Variants in MRPS9 observed in about 807,000 individuals in gnomAD.
The protein encoded by MRPS9 is small ribosomal subunit protein uS9m.
In MRPS9, 45 loss-of-function variants were observed where a neutral mutation model predicts 59.9. The observed-to-expected ratio is 0.75, with a 90% CI of 0.59 to 0.96. The LOEUF is 0.96. MRPS9 is among the 40% of genes least tolerant of loss of function. The probability of loss-of-function intolerance (pLI) is 0.00; values close to 1 mark genes in which losing one functional copy is unlikely to be tolerated. For synonymous variants in MRPS9, 171 were observed against 166.8 expected (o/e 1.03, Z -0.19); for missense variants, 473 against 481.1 (o/e 0.98, Z 0.16).
At chr2:105,092,247 G>C (rs1388553062) in intron 7 of MRPS9, 154 bp from the exon 8 acceptor site, 11 of 523,006 alleles carry the variant, frequency 2.1e-5, no homozygotes, top group Non-Finnish European at 3.2e-5. Flanking sequence ...GCATCTGCAT[G>C]CTGTTTTAAA....
At chr2:105,072,260 G>A (rs1290603505) in intron 4 of MRPS9, among the ~76,000 whole-genome samples, 1 of 152,218 alleles carries the variant, frequency 6.6e-6, no homozygotes, top group African/African-American at 2.4e-5. Flanking sequence ...TTGCTTTTAT[G>A]TAACCATGCT....
rs541716909 is a variant in MRPS9, at chr2:105,040,097, C to T, written c.135+1870C>T. On this transcript the variant is annotated intron_variant, in intron 1 of 10. Coordinates refer to ENST00000258455, the MANE Select transcript of MRPS9 (RefSeq NM_182640.3). ...AAGTACAGCTCAGATATAACTGAAA[C>T]ACTTAGCTGACCCCCCTTTAGATTC... Among the ~76,000 whole-genome samples, 4 of 152,258 alleles carry T rather than the reference C, an allele frequency of 2.6e-5. 1 individual carries two copies. In the East Asian group the frequency reaches 7.7e-4, roughly 29 times the overall value.
At chr2:105,085,451 T>C (rs1356892630) in intron 5 of MRPS9, among the ~76,000 whole-genome samples, 1 of 152,212 alleles carries the variant, frequency 6.6e-6, no homozygotes, top group East Asian at 1.9e-4. Context: ...AATAGACTTT[T>C]TCTATATCAC....
intron 1 of MRPS9, among the ~76,000 whole-genome samples, chr2:105,040,851 T>C (rs1427748689): frequency 6.6e-6 from 1 of 152,184 alleles, no homozygotes; most frequent in Non-Finnish European, 1.5e-5. Flanking sequence ...GGTAGAGGAT[T>C]GTCATGGGCA....
intron 10 of MRPS9, chr2:105,099,130 A>G (rs1303740233): frequency 1.3e-5 from 2 of 152,268 alleles, no homozygotes; most frequent in Non-Finnish European, 2.9e-5. Context: ...TTATTATGGC[A>G]TAAATTAAAA....
chr2:105,072,066 A>G (rs1488856181), intron 4 of MRPS9, among the ~76,000 whole-genome samples: 2 of 152,194 alleles, frequency 1.3e-5, no homozygotes, highest in African/African-American at 4.8e-5. Context: ...ATTGAATAAT[A>G]TATTTACTAT....
At chr2:105,038,248 A>G in intron 1 of MRPS9, 21 bp downstream of exon 1, 1 of 1,604,236 alleles carries the variant, frequency 6.2e-7, no homozygotes, top group Non-Finnish European at 8.5e-7. Flanking sequence ...GGAAGACTGG[A>G]AGCGGCTTAC....
chr2:105,043,083 A>G (rs1315490788), intron 1 of MRPS9, among the ~76,000 whole-genome samples: 1 of 152,152 alleles, frequency 6.6e-6, no homozygotes, highest in Non-Finnish European at 1.5e-5. Flanking sequence ...CCACCGCCAT[A>G]TCTAACAGAA....
In MRPS9 at chr2:105,044,446, A is replaced by G. The variant is rs960321262; in HGVS notation, c.136-4725A>G. Among the ~76,000 whole-genome samples, 5 of 152,354 alleles carry G rather than the reference A, an allele frequency of 3.3e-5. No homozygotes were observed. In the Middle Eastern group the frequency reaches 0.014, roughly 415 times the overall value. ...AAACATATTCAATATCCTGCTACTG[A>G]TGCTGTGATAACTTTGTAAATTTAA... On this transcript the variant is annotated intron_variant, in intron 1 of 10. Transcript: ENST00000258455.
intron 1 of MRPS9, among the ~76,000 whole-genome samples, chr2:105,040,802 AG>A (rs1679487946): frequency 6.6e-6 from 1 of 152,240 alleles, no homozygotes; most frequent in South Asian, 2.1e-4. Flanking sequence ...AGAAGAGCAC[AG>A]AAGTAATATG....
chr2:105,063,634 A>G (rs12619915), intron 2 of MRPS9, among the ~76,000 whole-genome samples: 30,738 of 152,202 alleles, frequency 0.2, 3,185 homozygotes, highest in Middle Eastern at 0.35. Context: ...TCTTAAATAC[A>G]TCTTCAAAAA....
intron 1 of MRPS9, among the ~76,000 whole-genome samples, chr2:105,046,133 T>C (rs1679588009): frequency 6.6e-6 from 1 of 152,066 alleles, no homozygotes; most frequent in Non-Finnish European, 1.5e-5. Context: ...CCCAAAGTGC[T>C]AGAATTACAG....
chr2:105,082,931 T>C (rs1680376422), intron 5 of MRPS9, among the ~76,000 whole-genome samples: 1 of 152,224 alleles, frequency 6.6e-6, no homozygotes, highest in African/African-American at 2.4e-5. Context: ...AAATGATTTC[T>C]TAATAAAAAG....
At chr2:105,063,576 T>C (rs1679943821) in intron 2 of MRPS9, among the ~76,000 whole-genome samples, 1 of 152,262 alleles carries the variant, frequency 6.6e-6, no homozygotes, top group Non-Finnish European at 1.5e-5. Flanking sequence ...TTGGCTGCAC[T>C]ATTTTATTTT....
At chr2:105,092,690 T>TA in intron 8 of MRPS9, 121 bp downstream of exon 8, 1 of 889,602 alleles carries the variant, frequency 1.1e-6, no homozygotes, top group South Asian at 2.3e-5. Flanking sequence ...TTGCTACCGT[T>TA]ACTTTGGATT....
chr2:105,044,458 C>T (rs1198388630), intron 1 of MRPS9, among the ~76,000 whole-genome samples: 1 of 152,168 alleles, frequency 6.6e-6, no homozygotes, highest in East Asian at 1.9e-4. Flanking sequence ...GCTGTGATAA[C>T]TTTGTAAATT....
Position 105,099,765 on chromosome 2 carries a change from T to C in MRPS9, c.*4T>C. On this transcript the variant is annotated 3_prime_UTR_variant, in exon 11 of 11. Transcript: ENST00000258455. The stretch of plus-strand genomic sequence containing the variant: ...GTTTACGTGGAAGAAACGCTAAGGG[T>C]TTGCTCCCAGGAAAGGAGAGGAAGA... The C allele has an allele frequency of 6.2e-7, 1 of 1,613,872 alleles. No homozygotes were observed. The highest frequency in any genetic ancestry group is 1.1e-5 in the South Asian group (1 of 91,054).
In MRPS9 at chr2:105,071,495, T is replaced by G; in HGVS notation, c.409+6T>G. On this transcript the variant is annotated splice_donor_region_variant and intron_variant, in intron 4 of 10. Coordinates refer to ENST00000258455, the MANE Select transcript of MRPS9 (RefSeq NM_182640.3). Reference sequence around the variant, plus strand: ...GATTTTTCCAAGACAAAGAGGTAAGTTTGTTCAAGAATGAGAGAAACAGTT... The same window carrying G: ...GATTTTTCCAAGACAAAGAGGTAAGGTTGTTCAAGAATGAGAGAAACAGTT... The G allele has an allele frequency of 6.2e-7, 1 of 1,603,398 alleles. No homozygotes were observed. Among genetic ancestry groups the G allele is most frequent in the South Asian group, 1.1e-5 (1 of 88,800 alleles).
At chr2:105,079,237 G>A (rs1680278265) in intron 4 of MRPS9, among the ~76,000 whole-genome samples, 1 of 152,210 alleles carries the variant, frequency 6.6e-6, no homozygotes, top group Non-Finnish European at 1.5e-5. Context: ...TACAACTTCT[G>A]TAATGGACCA....
Sources: gnomAD v4.1 joint callset for allele counts (sites outside exome capture counted in the v4.1 genomes callset) on GRCh38, gnomAD v4.1.1 for gene constraint, MANE v1.5 for transcripts, NCBI Gene and HGNC (gene_info 2026-07-23, HGNC 2026-07-21) for gene names.